TEX11: variants seen among roughly 807,000 people sequenced by gnomAD.
The protein encoded by TEX11 is testis expressed 11.
In TEX11, 7 loss-of-function variants were observed where a neutral mutation model predicts 84.4. The ratio of observed to expected loss-of-function variants is 0.08; its 90% CI spans 0.05 to 0.16. The LOEUF (loss-of-function observed/expected upper bound fraction) is 0.16. Ranked by LOEUF, TEX11 falls within the 10% of genes least tolerant of loss-of-function variation. The pLI is 1.00. For synonymous variants in TEX11, 264 were observed against 222.8 expected, an observed-to-expected ratio of 1.18 and a Z score of -1.64; for missense variants, 551 against 660.5, an observed-to-expected ratio of 0.83 and a Z score of 1.82.
chrX:70,725,342 T>G lies in TEX11; in HGVS notation c.845A>C (p.Glu282Ala). 8.6e-7 allele frequency: 1 copy of G among 1,158,390 alleles called. No homozygotes were observed. The highest frequency in any genetic ancestry group is 1.2e-6 in the Non-Finnish European group (1 of 855,692). The change falls in exon 12 of 30, where the codon GAA becomes GCA. Residue 282 changes from glutamate (E) to alanine (A), a missense_variant and splice_region_variant. Coordinates refer to ENST00000374333, the MANE Select transcript of TEX11 (RefSeq NM_031276.3). ...ALNAVNLANK[E>A]HLSSPGLFLK... ...GAAAAGCCCAGGAGAACTTAAATGT[T>G]CCTATTTTAAACAAAGAAATCACAA...
Position 70,589,188 on chromosome X carries a change from G to A in TEX11, c.2140+2563C>T, listed in dbSNP as rs192447090. Among the ~76,000 whole-genome samples the A allele has an allele frequency of 5.9e-3, 646 of 110,190 alleles. 4 individuals carry two copies. Among genetic ancestry groups the A allele is most frequent in the African/African-American group, 0.02 (618 of 30,369 alleles). ...TACCACAAAACTTTCATGAAATAAT[G>A]TACTGTTTTCCAATAGGGAATTTTA... On this transcript the variant is annotated intron_variant, in intron 25 of 29. Coordinates refer to ENST00000374333, the MANE Select transcript of TEX11 (RefSeq NM_031276.3).
At chrX:70,819,235 T>C (rs2091305793) in intron 8 of TEX11, among the ~76,000 whole-genome samples, 1 of 111,718 alleles carries the variant, frequency 9.0e-6, no homozygotes, top group Non-Finnish European at 1.9e-5. Flanking sequence ...AAAAGGATCA[T>C]ACACCACAAT....
At position 70,878,086 on chromosome X, in the gene TEX11, C is replaced by T. The variant is rs781574548; in HGVS notation, c.159+1902G>A. ...AAACACAATGAGATAACACTTCATA[C>T]CCACTAGAATGACTATAATCAAAAA... On this transcript the variant is annotated intron_variant, in intron 3 of 29. Coordinates refer to ENST00000374333, the MANE Select transcript of TEX11 (RefSeq NM_031276.3). Among the ~76,000 whole-genome samples, 7 of 111,014 alleles carry T rather than the reference C, an allele frequency of 6.3e-5. No individual in the cohort carries two copies. In the East Asian group the frequency reaches 1.7e-3, roughly 27 times the overall value.
chrX:70,538,382 A>G (rs938912429), intron 28 of TEX11, among the ~76,000 whole-genome samples: 1 of 111,888 alleles, frequency 8.9e-6, no homozygotes, highest in African/African-American at 3.2e-5. Context: ...GAGACCAATT[A>G]GGAAACTACA....
In TEX11 at chrX:70,652,609, A is replaced by G. The variant is rs183856828; in HGVS notation, c.1381-1057T>C. 1.1e-3 allele frequency among the ~76,000 whole-genome samples: 121 copies of G among 112,216 alleles called. 1 individual carries two copies. Among genetic ancestry groups the G allele is most frequent in the Middle Eastern group, 9.3e-3 (2 of 216 alleles). Reference sequence around the variant, plus strand: ...TCTGTCTCATTATTACCTGTGCCATACCAGTTATTAAATACTTTGCATATC... The same window carrying G: ...TCTGTCTCATTATTACCTGTGCCATGCCAGTTATTAAATACTTTGCATATC... On this transcript the variant is annotated intron_variant, in intron 16 of 29. Coordinates refer to ENST00000374333, the MANE Select transcript of TEX11 (RefSeq NM_031276.3).
At chrX:70,853,223 C>T (rs765832478) in intron 6 of TEX11, 25 bp downstream of exon 6, 1 of 1,206,567 alleles carries the variant, frequency 8.3e-7, no homozygotes, top group South Asian at 1.8e-5. Context: ...ATAATTGCCT[C>T]AGCTAAAAGT....
intron 9 of TEX11, among the ~76,000 whole-genome samples, chrX:70,765,646 A>G (rs373418505): frequency 1.8e-5 from 2 of 111,741 alleles, no homozygotes; most frequent in South Asian, 3.8e-4. Flanking sequence ...TTAACATAAT[A>G]AAAGCCATAT....
intron 13 of TEX11, among the ~76,000 whole-genome samples, chrX:70,720,817 C>T (rs928499770): frequency 6.3e-4 from 67 of 105,752 alleles, no homozygotes; most frequent in African/African-American, 2.2e-3. Flanking sequence ...GTGAAATTTC[C>T]TGAATGTTTA....
At chrX:70,801,612 T>G (rs1373186270) in intron 9 of TEX11, among the ~76,000 whole-genome samples, 1 of 109,591 alleles carries the variant, frequency 9.1e-6, no homozygotes, top group Admixed American at 1.0e-4. Context: ...TTTCTTTTCC[T>G]TCTTTTCTTT....
Position 70,740,803 on chromosome X carries a change from G to GAAA in TEX11, c.748-10_748-8dup. 2 of 883,205 alleles carry GAAA rather than the reference G, an allele frequency of 2.3e-6. No individual in the cohort carries two copies. Among genetic ancestry groups the GAAA allele is most frequent in the Non-Finnish European group, 1.5e-6 (1 of 663,439 alleles). 72.8% of individuals were successfully genotyped at this position (883,205 alleles called of 1,213,427 possible). ...ATAGCCGTAGAACTTTAGCCTGTAA[G>GAAA]AAAAAAAAAAAGAAAAAAAGCACAT... On this transcript the variant is annotated splice_region_variant and splice_polypyrimidine_tract_variant and intron_variant, in intron 10 of 29. Transcript: ENST00000374333.
chrX:70,639,661 T>G (rs892842168), intron 17 of TEX11, among the ~76,000 whole-genome samples: 3 of 111,547 alleles, frequency 2.7e-5, no homozygotes, highest in Non-Finnish European at 5.7e-5. Flanking sequence ...AGGGGCAGAC[T>G]GACACCTCAC....
intron 9 of TEX11, among the ~76,000 whole-genome samples, chrX:70,749,373 A>G (rs995188864): frequency 7.2e-5 from 8 of 110,431 alleles, no homozygotes; most frequent in Non-Finnish European, 1.5e-4. Flanking sequence ...GCAAACAGGG[A>G]AAATTTGACT....
At chrX:70,614,839 C>T (rs957587940) in intron 20 of TEX11, among the ~76,000 whole-genome samples, 6 of 108,333 alleles carry the variant, frequency 5.5e-5, no homozygotes, top group South Asian at 4.0e-4. Context: ...AGAGAAAGAG[C>T]GAGAGAGAGA....
intron 9 of TEX11, among the ~76,000 whole-genome samples, chrX:70,762,064 T>C (rs1462837004): frequency 2.7e-5 from 3 of 111,606 alleles, no homozygotes; most frequent in Non-Finnish European, 5.6e-5. Context: ...AGCAAAAATA[T>C]CCTTTAAACA....
rs1456169243 is a variant in TEX11, at chrX:70,564,750, C to T, written c.2141-9950G>A. On this transcript the variant is annotated intron_variant, in intron 25 of 29. Transcript: ENST00000374333. ...GACATGAACTCATCATTTTTTATGGCTGCATAGTATTCCATGGTGTATATG... is the reference window on the plus strand; with the variant it reads ...GACATGAACTCATCATTTTTTATGGTTGCATAGTATTCCATGGTGTATATG... Among the ~76,000 whole-genome samples the T allele has an allele frequency of 1.8e-4, 20 of 108,399 alleles. 1 individual carries two copies. The highest frequency in any genetic ancestry group is 4.7e-3 in the Middle Eastern group (1 of 211). 94.1% of individuals were successfully genotyped at this position (108,399 alleles called of 115,157 possible).
chrX:70,684,827 A>G (rs1304177010), intron 13 of TEX11, among the ~76,000 whole-genome samples: 4 of 111,639 alleles, frequency 3.6e-5, no homozygotes, highest in African/African-American at 6.5e-5. Context: ...TGGAACCACA[A>G]AAGACTCTGT....
At chrX:70,840,966 C>A (rs1320821188) in intron 7 of TEX11, among the ~76,000 whole-genome samples, 12 of 110,508 alleles carry the variant, frequency 1.1e-4, no homozygotes. Context: ...ACAGGAGCAC[C>A]CAGATTCATA....
intron 3 of TEX11, 55 bp from the exon 4 acceptor site, chrX:70,873,362 G>T: frequency 1.3e-6 from 1 of 797,467 alleles, no homozygotes; most frequent in Non-Finnish European, 1.9e-6. Context: ...ACCTCCAACG[G>T]TATTTTCATT....
chrX:70,892,852 G>A (rs189862047), intron 2 of TEX11, among the ~76,000 whole-genome samples: 2 of 110,365 alleles, frequency 1.8e-5, no homozygotes, highest in Non-Finnish European at 3.8e-5. Flanking sequence ...TAAAGGGATG[G>A]AGGGTTATTT....
Sources: allele counts gnomAD v4.1 joint callset (sites outside exome capture counted in the v4.1 genomes callset), GRCh38; gene constraint gnomAD v4.1.1; transcripts MANE v1.5; gene names NCBI Gene and HGNC (gene_info 2026-07-23, HGNC 2026-07-21).